Variants in NAV2 observed in about 807,000 individuals in gnomAD.
NAV2 encodes helicase, APC down-regulated 1.
A neutral mutation model predicts 223.2 loss-of-function variants in NAV2; 54 were observed. The ratio of observed to expected loss-of-function variants is 0.24; its 90% confidence interval spans 0.19 to 0.30. NAV2 has a LOEUF of 0.30. Among genes scored for constraint, NAV2 ranks in the 10% least tolerant of loss-of-function variants. The pLI is 1.00. For synonymous variants in NAV2, 1,279 were observed against 1,239.3 expected, an observed-to-expected ratio of 1.03 and a Z score of -0.67; for missense variants, 2,806 against 3,147.5, an observed-to-expected ratio of 0.89 and a Z score of 2.60.
intron 1 of NAV2, chr11:19,504,360 T>G (rs2043055590): frequency 1.3e-5 from 2 of 152,234 alleles, no homozygotes; most frequent in African/African-American, 4.8e-5. Flanking sequence ...TTTCAAGGCT[T>G]CAATCCTACT....
intron 1 of NAV2, among the ~76,000 whole-genome samples, chr11:19,594,475 T>C (rs2046149464): frequency 6.6e-6 from 1 of 151,862 alleles, no homozygotes; most frequent in Admixed American, 6.6e-5. Context: ...GTCTTCTGTA[T>C]CCAGGGCACA....
chr11:19,567,073 C>G (rs1453499322), intron 1 of NAV2, among the ~76,000 whole-genome samples: 1 of 152,180 alleles, frequency 6.6e-6, no homozygotes, highest in Non-Finnish European at 1.5e-5. Context: ...TAATATTTAT[C>G]CCTGCAAAGT....
intron 11 of NAV2, among the ~76,000 whole-genome samples, chr11:19,993,870 T>C (rs2051590571): frequency 6.6e-6 from 1 of 152,346 alleles, no homozygotes; most frequent in African/African-American, 2.4e-5. Context: ...GGTGATTGTT[T>C]AGAATTTACT....
At chr11:19,850,294 A>G (rs1392941770) in intron 3 of NAV2, among the ~76,000 whole-genome samples, 3 of 152,142 alleles carry the variant, frequency 2.0e-5, no homozygotes, top group African/African-American at 4.8e-5. Context: ...GCCTGCTTTT[A>G]ACATAATACA....
intron 1 of NAV2, among the ~76,000 whole-genome samples, chr11:19,453,018 C>T (rs963376527): frequency 6.6e-6 from 1 of 152,156 alleles, no homozygotes; most frequent in Non-Finnish European, 1.5e-5. Flanking sequence ...TAAGTAATTC[C>T]ATCAAGATCA....
intron 1 of NAV2, among the ~76,000 whole-genome samples, chr11:19,628,801 C>G (rs1437966936): frequency 2.6e-5 from 4 of 152,144 alleles, no homozygotes; most frequent in Non-Finnish European, 5.9e-5. Flanking sequence ...CACCAAGGTC[C>G]CCTACCCTTC....
At chr11:19,598,892 G>A (rs934563733) in intron 1 of NAV2, among the ~76,000 whole-genome samples, 16 of 152,192 alleles carry the variant, frequency 1.1e-4, no homozygotes, top group Non-Finnish European at 1.6e-4. Context: ...CTGTGTGTGT[G>A]TGTGTGCATT....
chr11:20,045,753 C>T (rs937287896), intron 14 of NAV2, 83 bp downstream of exon 14: 2 of 1,188,538 alleles, frequency 1.7e-6, no homozygotes, highest in Admixed American at 2.4e-5. Context: ...AGTTGAAGCA[C>T]CCTCTGTTTT....
At chr11:19,593,012 G>A (rs1016375827) in intron 1 of NAV2, among the ~76,000 whole-genome samples, 3 of 152,026 alleles carry the variant, frequency 2.0e-5, no homozygotes, top group East Asian at 1.9e-4. Flanking sequence ...TGTGAGTATT[G>A]TTCTGTGTCC....
At chr11:19,824,029 A>G (rs2059528877) in intron 1 of NAV2, among the ~76,000 whole-genome samples, 1 of 152,262 alleles carries the variant, frequency 6.6e-6, no homozygotes, top group Non-Finnish European at 1.5e-5. Flanking sequence ...TGTGGCTCTC[A>G]GAAGTGTAAA....
rs180785398 is a variant in NAV2 at position 19,636,942 on chromosome 11, T to C, written c.76-195542T>C. On this transcript the variant is annotated intron_variant, in intron 1 of 37. Coordinates refer to the NAV2 transcript ENST00000360655. ...TCCTCTTAAAAGAAAGGAGCTTCAG[T>C]GCTGAAAATTAAAAATATTCAAATG... is the stretch of plus-strand genomic sequence containing the variant. Among the ~76,000 whole-genome samples, 11 of 152,368 alleles carry C rather than the reference T, an allele frequency of 7.2e-5. No homozygotes were observed. The East Asian group carries it at 2.1e-3, about 29-fold the overall frequency.
chr11:19,359,236 G>A (rs1267810295), intron 1 of NAV2, among the ~76,000 whole-genome samples: 1 of 152,206 alleles, frequency 6.6e-6, no homozygotes, highest in Non-Finnish European at 1.5e-5. Context: ...ACTGCTTAGA[G>A]GTAAAAGTTC....
intron 6 of NAV2, among the ~76,000 whole-genome samples, chr11:19,893,557 T>C (rs4757854): frequency 0.46 from 69,607 of 152,080 alleles, 19,505 homozygotes; most frequent in Non-Finnish European, 0.61. Flanking sequence ...TTTTCTCCTC[T>C]AACTCAGAGT....
At chr11:20,060,394 G>A (rs1380536537) in intron 19 of NAV2, among the ~76,000 whole-genome samples, 1 of 152,212 alleles carries the variant, frequency 6.6e-6, no homozygotes, top group Non-Finnish European at 1.5e-5. Context: ...GACATTAAAG[G>A]CCTCTGTTAA....
intron 1 of NAV2, among the ~76,000 whole-genome samples, chr11:19,641,799 C>T (rs1056372437): frequency 1.2e-4 from 18 of 152,064 alleles, no homozygotes; most frequent in Non-Finnish European, 2.4e-4. Flanking sequence ...TCAACACAGC[C>T]TCTATTGCTA....
intron 6 of NAV2, among the ~76,000 whole-genome samples, chr11:19,910,245 C>T (rs2043197628): frequency 6.6e-6 from 1 of 152,178 alleles, no homozygotes; most frequent in African/African-American, 2.4e-5. Context: ...TGCTTTTAAC[C>T]CTCATGCTAT....
intron 11 of NAV2, among the ~76,000 whole-genome samples, chr11:20,030,741 C>G (rs2055634982): frequency 6.6e-6 from 1 of 152,196 alleles, no homozygotes; most frequent in Non-Finnish European, 1.5e-5. Context: ...ACAAATGTCA[C>G]AAATTATTTT....
At chr11:19,600,481 C>T (rs1010497115) in intron 1 of NAV2, among the ~76,000 whole-genome samples, 1 of 152,218 alleles carries the variant, frequency 6.6e-6, no homozygotes, top group African/African-American at 2.4e-5. Flanking sequence ...TAGCCAGTTA[C>T]ATGTGTATTA....
chr11:19,829,202 T>C (rs757364193), intron 1 of NAV2, among the ~76,000 whole-genome samples: 1 of 152,236 alleles, frequency 6.6e-6, no homozygotes, highest in East Asian at 1.9e-4. Context: ...CTTTAAACTG[T>C]AAACTTCATG....
Sources: allele counts gnomAD v4.1 joint callset (sites outside exome capture counted in the v4.1 genomes callset), GRCh38; gene constraint gnomAD v4.1.1; transcripts MANE v1.5; gene names NCBI Gene and HGNC (gene_info 2026-07-23, HGNC 2026-07-21).